MACF1: variants seen among roughly 807,000 people sequenced by gnomAD.
The protein encoded by MACF1 is microtubule actin crosslinking factor 1.
MACF1 carries 193 observed loss-of-function variants against 854.8 expected under a neutral mutation model. The observed-to-expected ratio is 0.23, with a 90% confidence interval of 0.20 to 0.25. The LOEUF is 0.25. Ranked by LOEUF, MACF1 falls within the 10% of genes least tolerant of loss-of-function variation. The pLI is 1.00. For synonymous variants in MACF1, 3,185 were observed against 3,226.7 expected (o/e 0.99, Z 0.44); for missense variants, 7,722 against 8,929.1 (o/e 0.86, Z 5.45).
intron 1 of MACF1, among the ~76,000 whole-genome samples, chr1:39,226,579 T>A (rs1644718993): frequency 6.6e-6 from 1 of 152,106 alleles, no homozygotes; most frequent in African/African-American, 2.4e-5. Context: ...GACCTCGTGA[T>A]CCACCCGCCT....
chr1:39,355,460 C>CTTTTTTTTTTTTTTTTT (rs56202498), intron 44 of MACF1, among the ~76,000 whole-genome samples: 2 of 81,054 alleles, frequency 2.5e-5, no homozygotes, highest in Non-Finnish European at 4.5e-5. Flanking sequence ...TTTTCTTCTG[C>CTTTTTTTTTTTTTTTTT]TTTTTTTTTT....
chr1:39,096,522 G>A (rs139682185), intron 2 of MACF1, among the ~76,000 whole-genome samples: 1 of 151,126 alleles, frequency 6.6e-6, no homozygotes, highest in African/African-American at 2.4e-5. Flanking sequence ...CCGGGAGGCA[G>A]AGGTCGTAGT....
intron 6 of MACF1, among the ~76,000 whole-genome samples, chr1:39,265,248 G>A (rs1217648786): frequency 6.6e-6 from 1 of 152,020 alleles, no homozygotes; most frequent in Admixed American, 6.6e-5. Flanking sequence ...TTGTGTTTTT[G>A]GAATGAATGA....
intron 52 of MACF1, among the ~76,000 whole-genome samples, chr1:39,375,205 T>G (rs866325842): frequency 1.3e-5 from 2 of 152,198 alleles, no homozygotes; most frequent in Non-Finnish European, 2.9e-5. Flanking sequence ...TTATCTGTTA[T>G]GAAATCCATC....
In MACF1 at chr1:39,451,297, C is replaced by T. The variant is rs548433641; in HGVS notation, c.20418+86C>T. 5.3e-5 allele frequency: 70 copies of T among 1,324,496 alleles called. No individual in the cohort carries two copies. In the East Asian group the frequency reaches 1.5e-3, roughly 28 times the overall value. The allele number at this position is 1,324,496 out of a possible 1,614,324, so 82.0% of individuals were successfully genotyped here. On this transcript the variant is annotated intron_variant, in intron 85 of 100. Coordinates refer to ENST00000564288, the MANE Select transcript of MACF1 (RefSeq NM_001394062.1). ...GGTCTTCTACATATGACTGCCTCTG[C>T]CCTTCTTTCTAGGGGAGAAAGAGAG...
chr1:39,337,442 A>G (rs1160485055), intron 38 of MACF1, 111 bp downstream of exon 38: 16 of 1,036,360 alleles, frequency 1.5e-5, no homozygotes, highest in Non-Finnish European at 2.1e-5. Flanking sequence ...TTCTAGGGTA[A>G]ACAATCTCAG....
At chr1:39,417,712 A>ATTTTTTTTTTTTTTTTTTTTTT (rs1643370130) in intron 58 of MACF1, among the ~76,000 whole-genome samples, 1 of 68,488 alleles carries the variant, frequency 1.5e-5, no homozygotes, top group East Asian at 4.5e-4. Context: ...ACACCCAGTT[A>ATTTTTTTTTTTTTTTTTTTTTT]ATTTTTTTTT....
chr1:39,112,715 C>T (rs952103925), intron 2 of MACF1, among the ~76,000 whole-genome samples: 1 of 152,130 alleles, frequency 6.6e-6, no homozygotes, highest in Admixed American at 6.5e-5. Context: ...TAGAAAAGTC[C>T]TGGGATGAGG....
chr1:39,385,893 G>T lies in MACF1; in HGVS notation c.14308G>T (p.Val4770Phe), dbSNP rs1569833450. 1.1e-5 allele frequency: 18 copies of T among 1,613,170 alleles called. No homozygotes were observed. Among genetic ancestry groups the T allele is most frequent in the Non-Finnish European group, 1.4e-5 (17 of 1,179,262 alleles). ...KDELKKRLET[V>F]ALPLQGLEDL... Reference sequence around the variant, plus strand: ...TGAACTGAAGAAGCGTTTGGAGACAGTTGCCCTGCCTCTCCAAGGTTTAGA... The same window carrying T: ...TGAACTGAAGAAGCGTTTGGAGACATTTGCCCTGCCTCTCCAAGGTTTAGA... The change falls in exon 57 of 101, where the codon GTT (valine) becomes TTT (phenylalanine). Residue 4770 changes from valine (V) to phenylalanine (F), a missense_variant. This residue lies in a region of MACF1 where 2,807 missense variants were observed against 3,235.8 expected (regional missense o/e 0.87). Coordinates refer to ENST00000564288, the MANE Select transcript of MACF1 (RefSeq NM_001394062.1).
Position 39,434,471 on chromosome 1 carries a change from C to G in MACF1, c.17623C>G (p.Arg5875Gly), listed in dbSNP as rs769776970. The G allele has an allele frequency of 6.2e-7, 1 of 1,611,848 alleles. No individual in the cohort carries two copies. Among genetic ancestry groups the G allele is most frequent in the Non-Finnish European group, 8.5e-7 (1 of 1,179,730 alleles). ...YEAISLLNSE[R>G]YARLERAQVL... is the part of the protein sequence containing the mutation. ...AGCCATTAGCCTACTCAATTCAGAG[C>G]GTTATGCCCGCCTAGAGCGGGCCCA... Residue 5875 changes from arginine to glycine, a missense_variant, in exon 69 of 101, where the codon CGT (arginine) becomes GGT (glycine). Coordinates refer to ENST00000564288, the MANE Select transcript of MACF1 (RefSeq NM_001394062.1).
intron 69 of MACF1, 143 bp downstream of exon 69, chr1:39,434,775 A>G (rs980906036): frequency 1.2e-5 from 8 of 659,788 alleles, no homozygotes; most frequent in South Asian, 6.8e-5. Flanking sequence ...TTCATAATAC[A>G]TAATCTGAAT....
Position 39,335,556 on chromosome 1 carries a change from A to G in MACF1, c.8968A>G (p.Lys2990Glu), listed in dbSNP as rs776578764. The G allele has an allele frequency of 1.2e-6, 2 of 1,614,202 alleles. No homozygotes were observed. The highest frequency in any genetic ancestry group is 2.7e-5 in the African/African-American group (2 of 75,066). Residue 2990 changes from lysine to glutamate, a missense_variant, in exon 37 of 101, where the codon AAA becomes GAA. Lys to Glu is a moderately conservative substitution (Grantham distance 56). Around this residue, in one of 15 missense-constraint regions of MACF1, gnomAD observed 854 missense variants for 852.6 expected, o/e 1.00. Coordinates refer to ENST00000564288, the MANE Select transcript of MACF1 (RefSeq NM_001394062.1). ...VIVEESIRTCKPAFLSEEKLY... is the reference protein window; with the variant it reads ...VIVEESIRTCEPAFLSEEKLY... The stretch of plus-strand genomic sequence containing the variant: ...TGTAGAAGAAAGTATCAGAACATGC[A>G]AACCAGCATTTCTTTCTGAAGAAAA...
intron 2 of MACF1, among the ~76,000 whole-genome samples, chr1:39,173,840 A>G (rs942385096): frequency 3.9e-5 from 6 of 152,202 alleles, no homozygotes; most frequent in Admixed American, 3.3e-4. Flanking sequence ...GGTTAGGGTT[A>G]AGAATAACTA....
chr1:39,395,361 C>G (rs1642230322), intron 58 of MACF1, among the ~76,000 whole-genome samples: 1 of 152,204 alleles, frequency 6.6e-6, no homozygotes. Flanking sequence ...TAACAAGCAG[C>G]CTTCTGATAA....
chr1:39,479,683 T>C (rs1644979607), intron 97 of MACF1, 115 bp from the exon 98 acceptor site: 6 of 820,458 alleles, frequency 7.3e-6, no homozygotes, highest in Non-Finnish European at 1.2e-5. Flanking sequence ...CCACAGATGG[T>C]ACTAAACCCA....
chr1:39,421,893 T>G (rs890859826), intron 58 of MACF1, among the ~76,000 whole-genome samples: 2 of 152,002 alleles, frequency 1.3e-5, no homozygotes, highest in African/African-American at 4.8e-5. Flanking sequence ...GCTAACACGG[T>G]GAAACCCTGT....
chr1:39,423,328 T>C (rs1206258148), intron 60 of MACF1, among the ~76,000 whole-genome samples: 4 of 152,188 alleles, frequency 2.6e-5, no homozygotes, highest in Non-Finnish European at 5.9e-5. Flanking sequence ...TGGTATATAG[T>C]TGACAAATAA....
In MACF1 at chr1:39,477,088, TATAC is replaced by T. The variant is rs1553457982; in HGVS notation, c.21959-2708_21959-2705del. 5.7e-4 allele frequency among the ~76,000 whole-genome samples: 9 copies of T among 15,890 alleles called. No homozygotes were observed. In the East Asian group the frequency reaches 0.014, roughly 25 times the overall value. The allele number at this position is 15,890 out of a possible 152,430, so 10.4% of individuals were successfully genotyped here. On this transcript the variant is annotated intron_variant, in intron 97 of 100. Transcript: ENST00000564288. ...ATATATATATATATATATATATATA[TATAC>T]ACACACACACATATATACACTTAGT... is the stretch of plus-strand genomic sequence containing the variant.
At chr1:39,434,679 A>G (rs755918620) in intron 69 of MACF1, 47 bp downstream of exon 69, 6 of 1,541,646 alleles carry the variant, frequency 3.9e-6, no homozygotes, top group Non-Finnish European at 5.3e-6. Context: ...AATGGTCTCT[A>G]TAATTTATTT....
Sources: allele counts gnomAD v4.1 joint callset (sites outside exome capture counted in the v4.1 genomes callset), GRCh38; gene constraint gnomAD v4.1.1; regional missense constraint gnomAD v4.1.1; transcripts MANE v1.5; gene names NCBI Gene and HGNC (gene_info 2026-07-23, HGNC 2026-07-21).